LIN28A: variants seen among roughly 807,000 people sequenced by gnomAD.
LIN28A encodes the protein lin-28 RNA binding posttranscriptional regulator A.
LIN28A carries 11 observed loss-of-function variants against 21.1 expected under a neutral mutation model. That is an observed-to-expected ratio of 0.52 (90% CI 0.33 to 0.86). The LOEUF (loss-of-function observed/expected upper bound fraction) is 0.86, where lower values mean the gene tolerates loss of function less well. LIN28A is among the 40% of genes least tolerant of loss of function. The pLI, the probability that LIN28A is intolerant of heterozygous loss-of-function variation, is 0.03. For synonymous variants in LIN28A, 111 were observed against 108.7 expected, an observed-to-expected ratio of 1.02 and a Z score of -0.13; for missense variants, 219 against 279.8, an observed-to-expected ratio of 0.78 and a Z score of 1.55.
At position 26,411,702 on chromosome 1, in the gene LIN28A, T is replaced by C; in HGVS notation, c.228+120T>C. 1.0e-6 allele frequency: 1 copy of C among 1,000,156 alleles called. No individual in the cohort carries two copies. Among genetic ancestry groups the C allele is most frequent in the Non-Finnish European group, 1.5e-6 (1 of 665,560 alleles). 62.0% of individuals were successfully genotyped at this position (1,000,156 alleles called of 1,614,324 possible). A position where few individuals can be genotyped will look rare whatever the true frequency, so the allele number is the denominator to read the frequency against. On this transcript the variant is annotated intron_variant, in intron 2 of 3. Transcript: ENST00000326279. This position sits in a 1 kb window ranked among gnomAD's most constrained non-coding sequence, Gnocchi z 5.4. ...CGGGAGCCCTCATTATGCATCCCTG[T>C]CTTTGCTTCGGCACCCCAATTCTGA... is the stretch of plus-strand genomic sequence containing the variant.
intron 2 of LIN28A, among the ~76,000 whole-genome samples, chr1:26,423,475 T>A (rs2075040194): frequency 8.0e-6 from 1 of 125,684 alleles, no homozygotes; most frequent in East Asian, 2.8e-4. Flanking sequence ...AATGGCGCAA[T>A]CTTGGCTCAC....
rs777052489 is a variant in LIN28A, at chr1:26,411,525, C to A, written c.171C>A (p.Ser57=). Reference sequence around the variant, plus strand: ...TGCGCATGGGGTTCGGCTTCCTGTCCATGACCGCCCGCGCCGGGGTCGCGC... The same window carrying A: ...TGCGCATGGGGTTCGGCTTCCTGTCAATGACCGCCCGCGCCGGGGTCGCGC... ...FNVRMGFGFL[S]MTARAGVALD... Residue 57 remains serine, a synonymous_variant, in exon 2 of 4, where the codon TCC becomes TCA. Coordinates refer to ENST00000326279, the MANE Select transcript of LIN28A (RefSeq NM_024674.6). The surrounding 1 kb of genome is among the most constrained non-coding windows in gnomAD (Gnocchi z 5.4). 1.2e-6 allele frequency: 2 copies of A among 1,614,068 alleles called. No individual in the cohort carries two copies. Among genetic ancestry groups the A allele is most frequent in the African/African-American group, 1.3e-5 (1 of 75,062 alleles).
At chr1:26,425,234 AAG>A in intron 2 of LIN28A, 67 bp from the exon 3 acceptor site, 2 of 1,479,338 alleles carry the variant, frequency 1.4e-6, no homozygotes, top group East Asian at 4.5e-5. Flanking sequence ...CTACAGGAAT[AAG>A]AGTTCCTTGT....
At chr1:26,417,494 G>C (rs1028774081) in intron 2 of LIN28A, among the ~76,000 whole-genome samples, 2 of 152,158 alleles carry the variant, frequency 1.3e-5, no homozygotes, top group Non-Finnish European at 2.9e-5. Flanking sequence ...TTTTTTAAAC[G>C]TAGCTACTAG....
rs996680589 is a variant in LIN28A, at chr1:26,411,096, C to T, written c.31+174C>T. 5.9e-5 allele frequency among the ~76,000 whole-genome samples: 9 copies of T among 152,176 alleles called. No homozygotes were observed. Among genetic ancestry groups the T allele is most frequent in the African/African-American group, 1.9e-4 (8 of 41,440 alleles). On this transcript the variant is annotated intron_variant, in intron 1 of 3. Coordinates refer to ENST00000326279, the MANE Select transcript of LIN28A (RefSeq NM_024674.6). The surrounding 1 kb of genome is among the most constrained non-coding windows in gnomAD (Gnocchi z 5.4). ...GGAACCTTGGTGTCCCAGTGGCGTG[C>T]GCGCCAGACTACGTGGGTGGATGGA...
At chr1:26,424,867 AAGT>A (rs1360936845) in intron 2 of LIN28A, among the ~76,000 whole-genome samples, 3 of 151,678 alleles carry the variant, frequency 2.0e-5, no homozygotes, top group African/African-American at 7.3e-5. Flanking sequence ...TCAGTCTCCC[AAGT>A]AGCTGGGATT....
At position 26,411,054 on chromosome 1, in the gene LIN28A, G is replaced by A; in HGVS notation, c.31+132G>A. ...GACGGTGCGGCCTTCTGCTTCATAG[G>A]GCCGTCTCTGGGGCCAGGAACCTTG... On this transcript the variant is annotated intron_variant, in intron 1 of 3. Transcript: ENST00000326279. This position sits in a 1 kb window ranked among gnomAD's most constrained non-coding sequence, Gnocchi z 5.4. 1 of 1,187,736 alleles carries A rather than the reference G, an allele frequency of 8.4e-7. No individual in the cohort carries two copies. The highest frequency in any genetic ancestry group is 1.2e-6 in the Non-Finnish European group (1 of 860,002). The allele number at this position is 1,187,736 out of a possible 1,614,324, so 73.6% of individuals were successfully genotyped here.
chr1:26,420,586 A>C (rs1010826196), intron 2 of LIN28A, among the ~76,000 whole-genome samples: 5 of 138,122 alleles, frequency 3.6e-5, no homozygotes, highest in African/African-American at 1.4e-4. Context: ...CATGGGCGAC[A>C]GAGCAAGACT....
rs529380924 is a variant in LIN28A, at chr1:26,418,203, CCTAAGTA to C, written c.228+6624_228+6630del. On this transcript the variant is annotated intron_variant, in intron 2 of 3. Transcript: ENST00000326279. ...GAGGTATTAAGAAGGGATCAGAAGGCCTAAGTACTTTAACTGGAGAGATTCCTTCCCT... is the reference window on the plus strand; with the variant it reads ...GAGGTATTAAGAAGGGATCAGAAGGCCTTTAACTGGAGAGATTCCTTCCCT... Among the ~76,000 whole-genome samples the C allele has an allele frequency of 8.8e-4, 134 of 151,910 alleles. 1 individual carries two copies. Among genetic ancestry groups the C allele is most frequent in the Admixed American group, 6.5e-3 (99 of 15,264 alleles).
rs577911169 is a variant in LIN28A at position 26,411,848 on chromosome 1, G to C, written c.228+266G>C. ...TCTATTACCTCTTTCCCCTGGGAAGGGGCAGGGGGCAGGGAGGTGACCCCA... is the reference window on the plus strand; with the variant it reads ...TCTATTACCTCTTTCCCCTGGGAAGCGGCAGGGGGCAGGGAGGTGACCCCA... On this transcript the variant is annotated intron_variant, in intron 2 of 3. Transcript: ENST00000326279. The surrounding 1 kb of genome is among the most constrained non-coding windows in gnomAD (Gnocchi z 5.4). Among the ~76,000 whole-genome samples, 30 of 152,360 alleles carry C rather than the reference G, an allele frequency of 2.0e-4. No homozygotes were observed. The highest frequency in any genetic ancestry group is 7.0e-4 in the African/African-American group (29 of 41,590).
chr1:26,416,434 A>G (rs1438413786), intron 2 of LIN28A, among the ~76,000 whole-genome samples: 2 of 152,212 alleles, frequency 1.3e-5, no homozygotes, highest in Non-Finnish European at 2.9e-5. Flanking sequence ...TTTTTTGAAC[A>G]TTGCTAATCA....
intron 2 of LIN28A, among the ~76,000 whole-genome samples, chr1:26,421,653 T>A (rs1439750808): frequency 6.6e-6 from 1 of 152,216 alleles, no homozygotes; most frequent in Non-Finnish European, 1.5e-5. Context: ...AATGGATTAT[T>A]AATTTTTATA....
At chr1:26,420,326 C>T (rs1160536312) in intron 2 of LIN28A, among the ~76,000 whole-genome samples, 1 of 151,978 alleles carries the variant, frequency 6.6e-6, no homozygotes, top group African/African-American at 2.4e-5. Flanking sequence ...GTATTGCACC[C>T]GGCCTGCAAT....
chr1:26,417,275 G>A (rs1455761326), intron 2 of LIN28A, among the ~76,000 whole-genome samples: 2 of 152,202 alleles, frequency 1.3e-5, no homozygotes, highest in African/African-American at 4.8e-5. Context: ...GAGGGGATCA[G>A]AGGGATTGGC....
intron 2 of LIN28A, among the ~76,000 whole-genome samples, chr1:26,413,913 C>T (rs1245835828): frequency 2.0e-5 from 3 of 150,972 alleles, no homozygotes; most frequent in Middle Eastern, 3.4e-3. Context: ...CCGCAACCTC[C>T]GCCTCCCAGG....
intron 2 of LIN28A, among the ~76,000 whole-genome samples, chr1:26,420,533 G>T (rs1461299949): frequency 6.6e-6 from 1 of 151,470 alleles, no homozygotes; most frequent in African/African-American, 2.4e-5. Context: ...AAACCCAGGA[G>T]GCGGAGGTTG....
At chr1:26,410,969 C>T (rs763503574) in intron 1 of LIN28A, 47 bp downstream of exon 1, 7 of 1,586,272 alleles carry the variant, frequency 4.4e-6, no homozygotes, top group Non-Finnish European at 6.0e-6. Flanking sequence ...TCAGGGGCGG[C>T]CAGGAGCCAC....
In LIN28A at chr1:26,418,940, G is replaced by C. The variant is rs191107409; in HGVS notation, c.229-6363G>C. Among the ~76,000 whole-genome samples the C allele has an allele frequency of 2.2e-4, 33 of 152,182 alleles. No individual in the cohort carries two copies. In the East Asian group the frequency reaches 6.0e-3, roughly 28 times the overall value. ...ATGTGGGGAGGAGGGAGAGGGAGAT[G>C]CAAGAGGGATCTGCTCCTTGGAACT... On this transcript the variant is annotated intron_variant, in intron 2 of 3. Transcript: ENST00000326279.
chr1:26,420,400 G>A (rs2075021769), intron 2 of LIN28A, among the ~76,000 whole-genome samples: 1 of 152,056 alleles, frequency 6.6e-6, no homozygotes, highest in Non-Finnish European at 1.5e-5. Context: ...GGAGGCATGA[G>A]GTCAGGAGTT....
Sources: gnomAD v4.1 joint callset for allele counts (sites outside exome capture counted in the v4.1 genomes callset) on GRCh38, gnomAD v4.1.1 for gene constraint, Gnocchi (gnomAD v3.1) non-coding constraint, MANE v1.5 for transcripts, NCBI Gene and HGNC (gene_info 2026-07-23, HGNC 2026-07-21) for gene names.